KCNMB2: variants seen among roughly 807,000 people sequenced by gnomAD.
KCNMB2 encodes the protein potassium calcium-activated channel subfamily M regulatory beta subunit 2.
A neutral mutation model predicts 24.5 loss-of-function variants in KCNMB2; 9 were observed. The ratio of observed to expected loss-of-function variants is 0.37; its 90% CI spans 0.22 to 0.64. The LOEUF (loss-of-function observed/expected upper bound fraction) is 0.64. Ranked by LOEUF, KCNMB2 falls within the 30% of genes least tolerant of loss-of-function variation. KCNMB2 has a pLI of 0.63. For synonymous variants in KCNMB2, 109 were observed against 104.4 expected (o/e 1.04, Z -0.27); for missense variants, 226 against 284.3 (o/e 0.79, Z 1.47).
intron 1 of KCNMB2, among the ~76,000 whole-genome samples, chr3:178,554,263 C>T (rs552527806): frequency 6.6e-6 from 1 of 152,214 alleles, no homozygotes; most frequent in South Asian, 2.1e-4. Flanking sequence ...AATTTCAAAC[C>T]ACTATGCAGG....
rs868786837 is a variant in KCNMB2 at position 178,758,468 on chromosome 3, A to C, written c.-67-48875A>C. Among the ~76,000 whole-genome samples, 113 of 81,652 alleles carry C rather than the reference A, an allele frequency of 1.4e-3. 3 individuals carry two copies. Among genetic ancestry groups the C allele is most frequent in the African/African-American group, 5.3e-3 (111 of 20,926 alleles). 53.6% of individuals were successfully genotyped at this position (81,652 alleles called of 152,430 possible). A position where few individuals can be genotyped will look rare whatever the true frequency, so the allele number is the denominator to read the frequency against. On this transcript the variant is annotated intron_variant, in intron 1 of 4. Transcript: ENST00000452583. ...CACACACAAGAGGTGATATATATAC[A>C]TATATATATCTCCAAGAGGTGATTG...
At chr3:178,569,652 T>C (rs1716699749) in intron 1 of KCNMB2, among the ~76,000 whole-genome samples, 1 of 152,208 alleles carries the variant, frequency 6.6e-6, no homozygotes. Context: ...GTATTGAACA[T>C]CATCTGCCTC....
intron 1 of KCNMB2, among the ~76,000 whole-genome samples, chr3:178,658,374 G>A (rs2108568051): frequency 6.6e-6 from 1 of 152,272 alleles, no homozygotes; most frequent in Non-Finnish European, 1.5e-5. Flanking sequence ...AAAACCATCT[G>A]TTCATGAAAG....
At chr3:178,678,162 C>T (rs1024960779) in intron 1 of KCNMB2, among the ~76,000 whole-genome samples, 1 of 152,112 alleles carries the variant, frequency 6.6e-6, no homozygotes, top group African/African-American at 2.4e-5. Flanking sequence ...TGTCAGGGGT[C>T]AGTGAGCTGC....
chr3:178,757,586 C>A (rs1459054611), intron 1 of KCNMB2, among the ~76,000 whole-genome samples: 4 of 29,198 alleles, frequency 1.4e-4, no homozygotes, highest in Non-Finnish European at 1.3e-4. Context: ...GTATATATAT[C>A]CAAGAGGATA....
chr3:178,691,077 A>G (rs1165797237), intron 1 of KCNMB2, among the ~76,000 whole-genome samples: 2 of 143,848 alleles, frequency 1.4e-5, no homozygotes, highest in African/African-American at 2.7e-5. Context: ...AGCTGGGACT[A>G]CAGGTGTACA....
intron 1 of KCNMB2, among the ~76,000 whole-genome samples, chr3:178,657,166 C>T (rs1720374221): frequency 6.6e-6 from 1 of 152,208 alleles, no homozygotes; most frequent in South Asian, 2.1e-4. Context: ...CAATCTGACT[C>T]CAGAACCCAT....
intron 1 of KCNMB2, among the ~76,000 whole-genome samples, chr3:178,758,509 T>C (rs535277332): frequency 0.13 from 4,180 of 32,584 alleles, 643 homozygotes; most frequent in African/African-American, 0.3. Context: ...TATATATATA[T>C]ATCTCCAAGA....
At chr3:178,604,432 C>T (rs556840375) in intron 1 of KCNMB2, among the ~76,000 whole-genome samples, 102 of 150,368 alleles carry the variant, frequency 6.8e-4, no homozygotes, top group African/African-American at 2.5e-3. Context: ...CAGTGTAACC[C>T]AGAACCATGA....
intron 1 of KCNMB2, among the ~76,000 whole-genome samples, chr3:178,573,927 G>T (rs960943894): frequency 6.6e-6 from 1 of 152,064 alleles, no homozygotes; most frequent in African/African-American, 2.4e-5. Context: ...TGATCAAGAA[G>T]TGTGTAAGAG....
chr3:178,791,877 T>A (rs1270884319), intron 1 of KCNMB2, among the ~76,000 whole-genome samples: 7 of 149,610 alleles, frequency 4.7e-5, no homozygotes, highest in Non-Finnish European at 8.9e-5. Flanking sequence ...ACTTTCCTCA[T>A]AAAATAGTAT....
intron 1 of KCNMB2, among the ~76,000 whole-genome samples, chr3:178,760,645 G>A (rs867236083): frequency 1.3e-5 from 2 of 150,888 alleles, no homozygotes; most frequent in Non-Finnish European, 3.0e-5. Context: ...TTACAAGAAG[G>A]AAATAAATTA....
intron 1 of KCNMB2, among the ~76,000 whole-genome samples, chr3:178,754,068 C>A (rs1723937032): frequency 6.6e-6 from 1 of 150,720 alleles, no homozygotes; most frequent in South Asian, 2.1e-4. Flanking sequence ...GTTCATTTCA[C>A]TTAACATAAT....
At chr3:178,660,195 G>A (rs990407661) in intron 1 of KCNMB2, among the ~76,000 whole-genome samples, 3 of 152,086 alleles carry the variant, frequency 2.0e-5, no homozygotes, top group Admixed American at 2.0e-4. Flanking sequence ...AGCAACAGTT[G>A]TCTCATCTCT....
chr3:178,822,954 A>G (rs1167695063), intron 2 of KCNMB2, among the ~76,000 whole-genome samples: 1 of 152,154 alleles, frequency 6.6e-6, no homozygotes, highest in Non-Finnish European at 1.5e-5. Context: ...GGAAATTCAG[A>G]TCTCTATGGC....
At chr3:178,544,858 C>T (rs926718768) in intron 1 of KCNMB2, among the ~76,000 whole-genome samples, 3 of 152,164 alleles carry the variant, frequency 2.0e-5, no homozygotes, top group African/African-American at 4.8e-5. Flanking sequence ...TTGAAAGCAG[C>T]AACGATGTTT....
chr3:178,628,567 T>C (rs1167579101), intron 1 of KCNMB2, among the ~76,000 whole-genome samples: 2 of 152,030 alleles, frequency 1.3e-5, no homozygotes, highest in Non-Finnish European at 2.9e-5. Flanking sequence ...ATACAGAAAA[T>C]GATGGGGCTT....
At chr3:178,634,634 T>A (rs1719447172) in intron 1 of KCNMB2, among the ~76,000 whole-genome samples, 1 of 151,936 alleles carries the variant, frequency 6.6e-6, no homozygotes, top group Non-Finnish European at 1.5e-5. Flanking sequence ...CAAGATGAGA[T>A]GTGGGTGGGG....
At chr3:178,641,620 C>CT (rs920639758) in intron 1 of KCNMB2, among the ~76,000 whole-genome samples, 1 of 151,940 alleles carries the variant, frequency 6.6e-6, no homozygotes, top group Non-Finnish European at 1.5e-5. Context: ...ATGAATAAAG[C>CT]TTTTTTTTCT....
Sources: allele counts gnomAD v4.1 joint callset (sites outside exome capture counted in the v4.1 genomes callset), GRCh38; gene constraint gnomAD v4.1.1; transcripts MANE v1.5; gene names NCBI Gene and HGNC (gene_info 2026-07-23, HGNC 2026-07-21).